LAMC1: variants seen among roughly 807,000 people sequenced by gnomAD.
LAMC1 encodes the protein laminin subunit gamma 1, also known as laminin subunit gamma-1.
In LAMC1, 38 loss-of-function variants were observed where a neutral mutation model predicts 173.6. The ratio of observed to expected loss-of-function variants is 0.22; its 90% CI spans 0.17 to 0.29. The LOEUF is 0.29. Ranked by LOEUF, LAMC1 falls within the 10% of genes least tolerant of loss-of-function variation. LAMC1 has a pLI of 1.00. For missense variants in LAMC1, 1,824 were observed against 2,051.8 expected (o/e 0.89, Z 2.14); for synonymous variants, 746 against 749.1 (o/e 1.00, Z 0.07).
intron 1 of LAMC1, among the ~76,000 whole-genome samples, chr1:183,076,739 A>C: frequency 6.6e-6 from 1 of 152,252 alleles, no homozygotes; most frequent in East Asian, 1.9e-4. Flanking sequence ...TTGCCAGTCC[A>C]TCATGTGGAT....
At chr1:183,120,761 TG>T (rs1168956095) in intron 11 of LAMC1, among the ~76,000 whole-genome samples, 2 of 152,236 alleles carry the variant, frequency 1.3e-5, no homozygotes, top group Non-Finnish European at 2.9e-5. Context: ...CATTGAGCTT[TG>T]GAGTAATTGT....
chr1:183,049,145 A>G (rs1466860423), intron 1 of LAMC1, among the ~76,000 whole-genome samples: 1 of 152,214 alleles, frequency 6.6e-6, no homozygotes, highest in African/African-American at 2.4e-5. Flanking sequence ...TTTTCTTACT[A>G]AATCTTCATA....
chr1:183,107,020 T>A (rs529284810), intron 2 of LAMC1, among the ~76,000 whole-genome samples: 141 of 152,310 alleles, frequency 9.3e-4, no homozygotes, highest in Middle Eastern at 3.4e-3. Context: ...TATAGCATTC[T>A]ACCACACATG....
chr1:183,137,673 C>A lies in LAMC1; in HGVS notation c.4319C>A (p.Ala1440Asp). ...ERIASAVQKN[A>D]TSTKAEAERT... ...ACAATTTTCTTTTGTGCCTAGAATG[C>A]CACCAGCACCAAGGCAGAAGCTGAA... The change falls in exon 26 of 28, where the codon GCC (alanine) becomes GAC (aspartate). Residue 1440 changes from alanine to aspartate, a missense_variant. Coordinates refer to ENST00000258341, the MANE Select transcript of LAMC1 (RefSeq NM_002293.4). 2 of 1,562,720 alleles carry A rather than the reference C, an allele frequency of 1.3e-6. No individual in the cohort carries two copies. Among genetic ancestry groups the A allele is most frequent in the Admixed American group, 3.9e-5 (2 of 51,478 alleles).
chr1:183,125,657 G>A (rs923076734), intron 15 of LAMC1, 107 bp downstream of exon 15: 32 of 836,630 alleles, frequency 3.8e-5, no homozygotes, highest in South Asian at 5.8e-5. Context: ...TTACTGGAGC[G>A]CCTAATGTAG....
chr1:183,048,906 T>G (rs543761433), intron 1 of LAMC1, among the ~76,000 whole-genome samples: 2 of 152,190 alleles, frequency 1.3e-5, no homozygotes, highest in Non-Finnish European at 2.9e-5. Context: ...TATCACTTCC[T>G]CCTATTCAGA....
At chr1:183,134,539 G>T (rs1656884553) in intron 22 of LAMC1, 121 bp from the exon 23 acceptor site, 2 of 710,842 alleles carry the variant, frequency 2.8e-6, no homozygotes, top group Non-Finnish European at 2.2e-6. Context: ...ATAAAATCTT[G>T]ATCTGTGCAG....
intron 22 of LAMC1, 96 bp downstream of exon 22, chr1:183,133,646 A>G: frequency 8.4e-7 from 1 of 1,196,372 alleles, no homozygotes; most frequent in Non-Finnish European, 1.1e-6. Context: ...CCTCCCACTG[A>G]CTCGCTGGTA....
chr1:183,104,591 G>A (rs1401736473), intron 2 of LAMC1, among the ~76,000 whole-genome samples: 1 of 152,142 alleles, frequency 6.6e-6, no homozygotes, highest in Non-Finnish European at 1.5e-5. Flanking sequence ...TTTCTAAATA[G>A]GAAATACCCC....
intron 20 of LAMC1, 67 bp downstream of exon 20, chr1:183,131,445 GTGTGTGTGTGTGTGTATT>G (rs1264757932): frequency 1.9e-6 from 2 of 1,029,902 alleles, no homozygotes; most frequent in South Asian, 1.3e-5. Flanking sequence ...GTGTGTGTGT[GTGTGTGTGTGTGTGTATT>G]GTCTTATCCC....
intron 1 of LAMC1, among the ~76,000 whole-genome samples, chr1:183,060,975 C>T (rs948400911): frequency 5.3e-5 from 8 of 152,090 alleles, no homozygotes; most frequent in Admixed American, 5.2e-4. Flanking sequence ...GAAGGGTAGC[C>T]ATTTTAGTTT....
At chr1:183,120,398 A>G (rs1656438821) in intron 11 of LAMC1, among the ~76,000 whole-genome samples, 1 of 152,174 alleles carries the variant, frequency 6.6e-6, no homozygotes, top group African/African-American at 2.4e-5. Context: ...ACAGTAACCA[A>G]TAAAGCCATA....
chr1:183,051,685 T>G (rs1049829854), intron 1 of LAMC1, among the ~76,000 whole-genome samples: 17 of 152,218 alleles, frequency 1.1e-4, no homozygotes, highest in Admixed American at 5.9e-4. Context: ...CTGGAATGGT[T>G]GCTTAGAAGA....
At position 183,076,353 on chromosome 1, in the gene LAMC1, T is replaced by G. The variant is rs183852642; in HGVS notation, c.419-26975T>G. Among the ~76,000 whole-genome samples, 6 of 152,296 alleles carry G rather than the reference T, an allele frequency of 3.9e-5. No homozygotes were observed. In the East Asian group the frequency reaches 1.2e-3, roughly 29 times the overall value. ...AGGGAAGAAGGACATTTTGTCTAAT[T>G]GAGATTTGTCATTTTTAATTGTTAG... On this transcript the variant is annotated intron_variant, in intron 1 of 27. Transcript: ENST00000258341.
intron 1 of LAMC1, among the ~76,000 whole-genome samples, chr1:183,036,116 T>TA (rs1653974379): frequency 8.2e-6 from 1 of 122,316 alleles, no homozygotes. Flanking sequence ...TTTTTTTTTT[T>TA]AAGACAGCGT....
chr1:183,084,504 A>G (rs1224401682), intron 1 of LAMC1, among the ~76,000 whole-genome samples: 2 of 152,224 alleles, frequency 1.3e-5, no homozygotes, highest in African/African-American at 4.8e-5. Context: ...ATCCCAAATA[A>G]GTTTCTGAAA....
rs149036866 is a variant in LAMC1, at chr1:183,128,617, C to T, written c.3147C>T (p.Leu1049=). 18 of 1,610,296 alleles carry T rather than the reference C, an allele frequency of 1.1e-5. No homozygotes were observed. In the African/African-American group the frequency reaches 2.0e-4, roughly 18 times the overall value. Residue 1049 remains leucine, a synonymous_variant, in exon 18 of 28, where the codon CTC becomes CTT. Transcript: ENST00000258341. ...AGGTTGCTGATCATAGAGTGAAGCT[C>T]CAGGAATTAGAGAGTCTCATAGCAA... The part of the protein sequence containing the change: ...KDKVADHRVK[L]QELESLIANL...
At chr1:183,119,039 G>A (rs984897994) in intron 11 of LAMC1, among the ~76,000 whole-genome samples, 8 of 151,848 alleles carry the variant, frequency 5.3e-5, no homozygotes, top group Admixed American at 3.9e-4. Flanking sequence ...TGGGATTACC[G>A]GCACGCCCCA....
At chr1:183,035,774 T>C (rs916574802) in intron 1 of LAMC1, among the ~76,000 whole-genome samples, 1 of 152,166 alleles carries the variant, frequency 6.6e-6, no homozygotes, top group African/African-American at 2.4e-5. Flanking sequence ...TTAGGGACCT[T>C]TGTGTTGAGA....
Sources: allele counts gnomAD v4.1 joint callset (sites outside exome capture counted in the v4.1 genomes callset), GRCh38; gene constraint gnomAD v4.1.1; transcripts MANE v1.5; gene names NCBI Gene and HGNC (gene_info 2026-07-23, HGNC 2026-07-21).